The following CD55 variants were observed in gnomAD, a reference collection of about 807,000 sequenced individuals.
CD55 encodes the protein CD55 molecule (Cromer blood group).
CD55 carries 41 observed loss-of-function variants against 45.8 expected under a neutral mutation model. The ratio of observed to expected loss-of-function variants is 0.90; its 90% CI spans 0.70 to 1.16. CD55 has a LOEUF of 1.16. CD55 is among the 50% of genes most tolerant of loss of function. CD55 has a pLI of 0.00. For synonymous variants in CD55, 181 were observed against 181.1 expected (o/e 1.00, Z 0.01); for missense variants, 416 against 469.8 (o/e 0.89, Z 1.06).
intron 9 of CD55, chr1:207,358,650 C>G (rs939745363): frequency 2.6e-5 from 4 of 152,158 alleles, no homozygotes; most frequent in Non-Finnish European, 5.9e-5. Flanking sequence ...AATTACATTT[C>G]TGTATCTTGC....
chr1:207,340,578 C>T (rs1262045952), intron 9 of CD55: 1 of 695,446 alleles, frequency 1.4e-6, no homozygotes, highest in Non-Finnish European at 2.6e-6. Flanking sequence ...TCCTATGTTG[C>T]CCAGGCTGGT....
At position 207,360,845 on chromosome 1, in the gene CD55, A is replaced by C. The variant is rs1013761510; in HGVS notation, c.*1235A>C. On this transcript the variant is annotated 3_prime_UTR_variant, in exon 10 of 10. Coordinates refer to ENST00000367064, the MANE Select transcript of CD55 (RefSeq NM_000574.5). ...AACTAGATTTATTATGGCAATGTTT[A>C]TTTTGTCATTTTGCTTCATCTGTTT... 1 of 152,046 alleles carries C rather than the reference A, an allele frequency of 6.6e-6. No individual in the cohort carries two copies. The highest frequency in any genetic ancestry group is 1.5e-5 in the Non-Finnish European group (1 of 67,970). The allele number at this position is 152,046 out of a possible 1,614,324, so 9.4% of individuals were successfully genotyped here.
chr1:207,357,768 G>C (rs1045970622), intron 9 of CD55, among the ~76,000 whole-genome samples: 1 of 152,126 alleles, frequency 6.6e-6, no homozygotes, highest in African/African-American at 2.4e-5. Context: ...TTGGGGGGCA[G>C]GGTGTTTCAA....
chr1:207,331,007 T>C, intron 5 of CD55, 101 bp from the exon 6 acceptor site: 1 of 906,814 alleles, frequency 1.1e-6, no homozygotes, highest in Non-Finnish European at 1.6e-6. Flanking sequence ...AAATGATATT[T>C]TGATTTCTTT....
chr1:207,338,730 A>T (rs1316602713), intron 8 of CD55, among the ~76,000 whole-genome samples: 1 of 152,106 alleles, frequency 6.6e-6, no homozygotes, highest in Non-Finnish European at 1.5e-5. Context: ...AAGTATCTTC[A>T]GATTGATTTT....
At chr1:207,339,111 A>G (rs1572887524) in intron 8 of CD55, among the ~76,000 whole-genome samples, 1 of 152,174 alleles carries the variant, frequency 6.6e-6, no homozygotes, top group Non-Finnish European at 1.5e-5. Context: ...CTCAAGTCCT[A>G]TAACCAAATT....
intron 5 of CD55, 42 bp from the exon 6 acceptor site, chr1:207,331,066 C>T: frequency 7.7e-7 from 1 of 1,301,442 alleles, no homozygotes. Context: ...AAATACTTTA[C>T]TAGTTTTATT....
chr1:207,341,923 A>G (rs769969782), intron 9 of CD55, among the ~76,000 whole-genome samples: 1 of 151,774 alleles, frequency 6.6e-6, no homozygotes. Context: ...TCTTTTATCT[A>G]TGTTTTGTAG....
intron 5 of CD55, among the ~76,000 whole-genome samples, chr1:207,328,839 T>C (rs993223458): frequency 6.6e-6 from 1 of 152,216 alleles, no homozygotes; most frequent in East Asian, 1.9e-4. Flanking sequence ...CTGTGGACTA[T>C]TGCAATTAGG....
chr1:207,355,224 C>T lies in CD55; in HGVS notation c.1082-4322C>T, dbSNP rs533049379. On this transcript the variant is annotated intron_variant, in intron 9 of 9. Coordinates refer to ENST00000367064, the MANE Select transcript of CD55 (RefSeq NM_000574.5). ...TTTTGCTGATTTGGAGCCAAATACACTCATTAGTCACGTTAGATTCAGTTA... is the reference window on the plus strand; with the variant it reads ...TTTTGCTGATTTGGAGCCAAATACATTCATTAGTCACGTTAGATTCAGTTA... Among the ~76,000 whole-genome samples, 529 of 151,356 alleles carry T rather than the reference C, an allele frequency of 3.5e-3. 4 individuals carry two copies. The highest frequency in any genetic ancestry group is 0.012 in the African/African-American group (485 of 41,194).
chr1:207,340,842 T>C (rs28738992), intron 9 of CD55: 9,007 of 391,274 alleles, frequency 0.023, 137 homozygotes, highest in African/African-American at 0.033. Context: ...AAGATAGTTA[T>C]ATTTTTTTAT....
chr1:207,336,490 C>T (rs1655177419), intron 6 of CD55, among the ~76,000 whole-genome samples: 1 of 152,122 alleles, frequency 6.6e-6, no homozygotes. Context: ...TTTAGTTACC[C>T]ATAGGTATAA....
chr1:207,331,193 G>A lies in CD55; in HGVS notation c.750G>A (p.Thr250=), dbSNP rs780475447. ...ATTATGGATATAGACAGTCTGTAAC[G>A]TATGCATGTAATAAAGGATTCACCA... ...RDHYGYRQSV[T]YACNKGFTMI... is the part of the protein sequence containing the mutation. Residue 250 remains threonine, a synonymous_variant, in exon 6 of 10, where the codon ACG becomes ACA. Coordinates refer to ENST00000367064, the MANE Select transcript of CD55 (RefSeq NM_000574.5). The A allele has an allele frequency of 2.1e-5, 34 of 1,612,526 alleles. No individual in the cohort carries two copies. The highest frequency in any genetic ancestry group is 8.8e-5 in the South Asian group (8 of 91,054).
chr1:207,340,962 T>C (rs1240088026), intron 9 of CD55, among the ~76,000 whole-genome samples: 1 of 152,168 alleles, frequency 6.6e-6, no homozygotes, highest in African/African-American at 2.4e-5. Context: ...CGTCTGTTAT[T>C]TTTTGTCTAA....
At chr1:207,339,948 A>T (rs2102413579) in intron 9 of CD55, among the ~76,000 whole-genome samples, 1 of 152,244 alleles carries the variant, frequency 6.6e-6, no homozygotes, top group African/African-American at 2.4e-5. Context: ...CTTGAGTATT[A>T]TTTTTGTGTG....
intron 5 of CD55, among the ~76,000 whole-genome samples, chr1:207,330,647 C>T (rs181560465): frequency 6.6e-5 from 10 of 152,260 alleles, no homozygotes; most frequent in African/African-American, 1.2e-4. Context: ...CATTTGCTAG[C>T]GTTTCCCTCT....
chr1:207,354,602 A>G (rs1316211786), intron 9 of CD55, among the ~76,000 whole-genome samples: 3 of 152,130 alleles, frequency 2.0e-5, no homozygotes, highest in Non-Finnish European at 4.4e-5. Flanking sequence ...TATTTCATTC[A>G]TTATTTCATA....
In CD55 at chr1:207,356,283, T is replaced by TA. The variant is rs1378308007; in HGVS notation, c.1082-3262dup. Among the ~76,000 whole-genome samples the TA allele has an allele frequency of 4.6e-5, 7 of 152,232 alleles. No individual in the cohort carries two copies. The East Asian group carries it at 1.3e-3, about 29-fold the overall frequency. On this transcript the variant is annotated intron_variant, in intron 9 of 9. Coordinates refer to ENST00000367064, the MANE Select transcript of CD55 (RefSeq NM_000574.5). ...CCAGTAAAATTTGGTACTGTATCAG[T>TA]AGATGACTCTCTTAGCTTTATTTAA...
At chr1:207,323,712 C>G (rs965911391) in intron 2 of CD55, among the ~76,000 whole-genome samples, 1 of 152,290 alleles carries the variant, frequency 6.6e-6, no homozygotes, top group East Asian at 1.9e-4. Context: ...TAGGCTTTAA[C>G]TTTTTATTTT....
Sources: allele counts gnomAD v4.1 joint callset (sites outside exome capture counted in the v4.1 genomes callset), GRCh38; gene constraint gnomAD v4.1.1; transcripts MANE v1.5; gene names NCBI Gene and HGNC (gene_info 2026-07-23, HGNC 2026-07-21).